The following SEH1L variants were observed in gnomAD, a reference collection of about 807,000 sequenced individuals.
SEH1L encodes nucleoporin SEH1.
SEH1L carries 18 observed loss-of-function variants against 49.5 expected under a neutral mutation model. That is an observed-to-expected ratio of 0.36 (90% CI 0.25 to 0.54). The LOEUF (loss-of-function observed/expected upper bound fraction) is 0.54. Among genes scored for constraint, SEH1L ranks in the 20% least tolerant of loss-of-function variants. The pLI, the probability that SEH1L is intolerant of heterozygous loss-of-function variation, is 0.87. For missense variants in SEH1L, 404 were observed against 528.8 expected (o/e 0.76, Z 2.31); for synonymous variants, 169 against 178.1 (o/e 0.95, Z 0.41).
chr18:12,949,470 T>TTTTTTTTTTTG (rs2030371313), intron 1 of SEH1L, among the ~76,000 whole-genome samples: 1 of 133,250 alleles, frequency 7.5e-6, no homozygotes, highest in African/African-American at 3.3e-5. Context: ...TTTTTTTTTT[T>TTTTTTTTTTTG]GAGACGGAGT....
At chr18:12,983,467 T>G (rs1230011102) in intron 7 of SEH1L, among the ~76,000 whole-genome samples, 1 of 152,236 alleles carries the variant, frequency 6.6e-6, no homozygotes, top group African/African-American at 2.4e-5. Flanking sequence ...TAGGCTTTAT[T>G]CAGGACCACC....
chr18:12,980,688 G>C lies in SEH1L; in HGVS notation c.761+1796G>C, dbSNP rs1389204862. 8.4e-5 allele frequency among the ~76,000 whole-genome samples: 10 copies of C among 119,576 alleles called. No individual in the cohort carries two copies. The South Asian group carries it at 1.2e-3, about 14-fold the overall frequency. 78.4% of individuals were successfully genotyped at this position (119,576 alleles called of 152,430 possible). ...TCCCAGACAGGGTGGCTGGCAGGGCGGGGGGCTGACACCCCCCACTTCCCT... is the reference window on the plus strand; with the variant it reads ...TCCCAGACAGGGTGGCTGGCAGGGCCGGGGGCTGACACCCCCCACTTCCCT... On this transcript the variant is annotated intron_variant, in intron 6 of 8. Transcript: ENST00000399892.
At chr18:12,964,510 A>G (rs1015848546) in intron 4 of SEH1L, 1 of 152,010 alleles carries the variant, frequency 6.6e-6, no homozygotes, top group South Asian at 2.1e-4. Flanking sequence ...GACTAGATAG[A>G]TATCTTATTT....
At position 12,958,187 on chromosome 18, in the gene SEH1L, G is replaced by A. The variant is rs56845444; in HGVS notation, c.309+2578G>A. On this transcript the variant is annotated intron_variant, in intron 3 of 8. Coordinates refer to ENST00000399892, the MANE Select transcript of SEH1L (RefSeq NM_001013437.2). ...CATTCTCCGCCTCCGGGGTTCAAGC[G>A]ATTTTCCTGCCTCAGTCTCCTGAGT... 8.5e-3 allele frequency among the ~76,000 whole-genome samples: 1,212 copies of A among 142,382 alleles called. 22 individuals carry two copies. The highest frequency in any genetic ancestry group is 0.03 in the African/African-American group (1,148 of 38,384). The allele number at this position is 142,382 out of a possible 152,430, so 93.4% of individuals were successfully genotyped here.
At chr18:12,971,634 C>CAAAATAA (rs2031706503) in intron 5 of SEH1L, 1 of 130,998 alleles carries the variant, frequency 7.6e-6, no homozygotes, top group South Asian at 2.4e-4. Context: ...AACCCTGCCT[C>CAAAATAA]AAAAAAAAAA....
intron 8 of SEH1L, chr18:12,984,814 A>G (rs1008290587): frequency 1.9e-5 from 3 of 155,454 alleles, no homozygotes; most frequent in Admixed American, 6.5e-5. Context: ...TTATTTTAAT[A>G]TGCCTTTGTG....
chr18:12,984,300 C>A, intron 8 of SEH1L, 110 bp downstream of exon 8: 1 of 1,160,398 alleles, frequency 8.6e-7, no homozygotes, highest in Non-Finnish European at 1.3e-6. Context: ...GAAATGTTCA[C>A]ATGTGCTTGT....
chr18:12,965,009 CTTTTTTTT>C (rs138934038), intron 4 of SEH1L, among the ~76,000 whole-genome samples: 1 of 82,608 alleles, frequency 1.2e-5, no homozygotes. Context: ...TTTCCTCATT[CTTTTTTTT>C]TTTTTTTTTT....
At chr18:12,969,697 A>G (rs1041276768) in intron 4 of SEH1L, among the ~76,000 whole-genome samples, 2 of 151,076 alleles carry the variant, frequency 1.3e-5, no homozygotes, top group Non-Finnish European at 3.0e-5. Context: ...AAAAAAAAAA[A>G]AAAAATCAAA....
chr18:12,979,121 G>C (rs2032051584), intron 6 of SEH1L, among the ~76,000 whole-genome samples: 1 of 150,484 alleles, frequency 6.6e-6, no homozygotes, highest in South Asian at 2.1e-4. Context: ...CCCAGAGGGG[G>C]ATTTGGCAGG....
At chr18:12,983,979 G>A (rs929756108) in intron 7 of SEH1L, 61 bp from the exon 8 acceptor site, 1 of 1,374,762 alleles carries the variant, frequency 7.3e-7, no homozygotes, top group Non-Finnish European at 1.0e-6. Flanking sequence ...CATGGGTACA[G>A]ATTTGTGCCC....
At chr18:12,955,709 C>T in intron 3 of SEH1L, 100 bp downstream of exon 3, 1 of 1,200,678 alleles carries the variant, frequency 8.3e-7, no homozygotes, top group Non-Finnish European at 1.2e-6. Context: ...TATCACCACT[C>T]CCCTCTAGTT....
intron 3 of SEH1L, among the ~76,000 whole-genome samples, chr18:12,957,318 C>G (rs541279262): frequency 3.2e-4 from 48 of 151,904 alleles, no homozygotes; most frequent in Non-Finnish European, 6.8e-4. Context: ...ATCCCAGCTA[C>G]TCAGGAGGCT....
chr18:12,978,500 C>A, intron 5 of SEH1L: 1 of 362,374 alleles, frequency 2.8e-6, no homozygotes, highest in Non-Finnish European at 5.0e-6. Context: ...ATTTAGGACC[C>A]ACCCTAAATC....
chr18:12,980,945 G>T (rs1228926383), intron 6 of SEH1L, among the ~76,000 whole-genome samples: 2 of 150,578 alleles, frequency 1.3e-5, no homozygotes, highest in Admixed American at 6.6e-5. Flanking sequence ...CCTCCCGGAC[G>T]GGGTGGCTGC....
intron 3 of SEH1L, among the ~76,000 whole-genome samples, chr18:12,959,379 A>G (rs2031061137): frequency 2.0e-5 from 3 of 152,288 alleles, no homozygotes; most frequent in African/African-American, 7.2e-5. Flanking sequence ...TATTTACTTA[A>G]TAGAGTTGCC....
At chr18:12,975,977 C>T in intron 5 of SEH1L, 1 of 655,944 alleles carries the variant, frequency 1.5e-6, no homozygotes, top group Non-Finnish European at 1.9e-6. Context: ...CAATTTATTT[C>T]AGACATATGT....
At chr18:12,969,200 A>C (rs2031578457) in intron 4 of SEH1L, among the ~76,000 whole-genome samples, 2 of 87,136 alleles carry the variant, frequency 2.3e-5, no homozygotes, top group Non-Finnish European at 4.8e-5. Context: ...CAAGAGCAAA[A>C]CTCTGTACCC....
At chr18:12,982,891 A>C (rs2032327386) in intron 7 of SEH1L, 1 of 410,910 alleles carries the variant, frequency 2.4e-6, no homozygotes, top group Non-Finnish European at 4.3e-6. Flanking sequence ...AGTTTTCAAA[A>C]CTAAAGTAAT....
Sources: gnomAD v4.1 joint callset for allele counts (sites outside exome capture counted in the v4.1 genomes callset) on GRCh38, gnomAD v4.1.1 for gene constraint, MANE v1.5 for transcripts, NCBI Gene and HGNC (gene_info 2026-07-23, HGNC 2026-07-21) for gene names.